The following PCDHA3 variants were observed in gnomAD, a reference collection of about 807,000 sequenced individuals.
PCDHA3 encodes protocadherin alpha 3, also known as protocadherin alpha-3.
PCDHA3 carries 41 observed loss-of-function variants against 62.2 expected under a neutral mutation model. The ratio of observed to expected loss-of-function variants is 0.66; its 90% confidence interval spans 0.51 to 0.86. The LOEUF is 0.86. Ranked by LOEUF, PCDHA3 falls within the 40% of genes least tolerant of loss-of-function variation. The probability of loss-of-function intolerance (pLI) is 0.00; values close to 1 mark genes in which losing one functional copy is unlikely to be tolerated. For synonymous variants in PCDHA3, 640 were observed against 555.4 expected (o/e 1.15, Z -2.14); for missense variants, 1,304 against 1,241.2 (o/e 1.05, Z -0.76).
chr5:140,879,659 C>T (rs782370828), intron 1 of PCDHA3, among the ~76,000 whole-genome samples: 4 of 152,142 alleles, frequency 2.6e-5, no homozygotes, highest in East Asian at 3.8e-4. Flanking sequence ...CTATAACAAA[C>T]GAACACAAAC....
At chr5:140,830,385 C>A (rs2150185884) in intron 1 of PCDHA3, 12 of 1,614,120 alleles carry the variant, frequency 7.4e-6, no homozygotes, top group Non-Finnish European at 1.0e-5. Context: ...GAGGGCCCAC[C>A]CAAGATGGAT....
chr5:140,904,170 A>T (rs2070892349), intron 1 of PCDHA3, among the ~76,000 whole-genome samples: 1 of 151,964 alleles, frequency 6.6e-6, no homozygotes. Context: ...GTAGTCTTTT[A>T]TTCCTCACCC....
chr5:141,005,701 C>CAAAAAAA (rs59860837), intron 3 of PCDHA3, among the ~76,000 whole-genome samples: 5 of 7,784 alleles, frequency 6.4e-4, no homozygotes, highest in African/African-American at 9.3e-4. Context: ...AACTCCGTCT[C>CAAAAAAA]AAAAAAAAAA....
intron 1 of PCDHA3, among the ~76,000 whole-genome samples, chr5:140,943,863 G>T (rs2093580168): frequency 1.3e-5 from 2 of 152,186 alleles, no homozygotes; most frequent in Admixed American, 1.3e-4. Context: ...TCAAGAAGAG[G>T]TCTCTGAAGT....
intron 1 of PCDHA3, chr5:140,852,356 C>A: frequency 4.8e-6 from 1 of 206,680 alleles, no homozygotes; most frequent in Non-Finnish European, 9.4e-6. Flanking sequence ...TGGCTCACTG[C>A]AACGTCTGCC....
chr5:140,808,999 C>G (rs17844283), intron 1 of PCDHA3: 1 of 1,613,590 alleles, frequency 6.2e-7, no homozygotes, highest in African/African-American at 1.3e-5. Flanking sequence ...CGGGCTACAA[C>G]GCGTGGCTTT....
chr5:140,975,016 G>T (rs782435284), intron 1 of PCDHA3, among the ~76,000 whole-genome samples: 6 of 152,128 alleles, frequency 3.9e-5, no homozygotes, highest in Non-Finnish European at 8.8e-5. Context: ...AACACAGCTG[G>T]GCTGTGTTGT....
rs781922775 is a variant in PCDHA3 at position 140,856,490 on chromosome 5, G to C, written c.2394+52899G>C. On this transcript the variant is annotated intron_variant, in intron 1 of 3. Coordinates refer to ENST00000522353, the MANE Select transcript of PCDHA3 (RefSeq NM_018906.3). Reference sequence around the variant, plus strand: ...CTCAATACCTGAATCCAGACTGCTTGACTCTCGATTTCCACTAGAAGGCGC... The same window carrying C: ...CTCAATACCTGAATCCAGACTGCTTCACTCTCGATTTCCACTAGAAGGCGC... 1.9e-6 allele frequency: 3 copies of C among 1,598,350 alleles called. 1 individual carries two copies. The highest frequency in any genetic ancestry group is 2.6e-6 in the Non-Finnish European group (3 of 1,167,864).
At chr5:140,851,854 G>A (rs1187203228) in intron 1 of PCDHA3, 1 of 972,298 alleles carries the variant, frequency 1.0e-6, no homozygotes, top group East Asian at 1.1e-4. Flanking sequence ...TCTCCTCTCA[G>A]CTCATACATA....
chr5:140,968,588 A>G (rs1554230894), intron 1 of PCDHA3: 1 of 1,614,180 alleles, frequency 6.2e-7, no homozygotes, highest in South Asian at 1.1e-5. Flanking sequence ...CACCAAAGTC[A>G]TAGCTATGGA....
At chr5:140,934,129 T>G (rs150501213) in intron 1 of PCDHA3, among the ~76,000 whole-genome samples, 326 of 152,294 alleles carry the variant, frequency 2.1e-3, no homozygotes, top group African/African-American at 7.4e-3. Context: ...CTTTATTAAT[T>G]TATTTCCTTC....
Position 140,808,974 on chromosome 5 carries a change from C to T in PCDHA3, c.2394+5383C>T, listed in dbSNP as rs781991192. ...GGCCACGTGGTGGCAAAGGTGCGCG[C>T]GGTGGATGCTGACTCGGGCTACAAC... On this transcript the variant is annotated intron_variant, in intron 1 of 3. Coordinates refer to ENST00000522353, the MANE Select transcript of PCDHA3 (RefSeq NM_018906.3). 49 of 1,613,504 alleles carry T rather than the reference C, an allele frequency of 3.0e-5. No homozygotes were observed. The Middle Eastern group carries it at 8.2e-4, about 27-fold the overall frequency.
chr5:141,006,274 C>T (rs565885323), intron 3 of PCDHA3, among the ~76,000 whole-genome samples: 13 of 152,026 alleles, frequency 8.6e-5, no homozygotes, highest in African/African-American at 2.9e-4. Context: ...TGCAGTGGCA[C>T]GATCTCAGCT....
intron 1 of PCDHA3, among the ~76,000 whole-genome samples, chr5:140,806,051 G>A (rs1554123525): frequency 2.6e-5 from 4 of 152,142 alleles, no homozygotes; most frequent in South Asian, 4.1e-4. Context: ...AATGGCCCAC[G>A]CGATTCCACC....
chr5:140,915,093 G>A (rs1397392191), intron 1 of PCDHA3, among the ~76,000 whole-genome samples: 3 of 151,622 alleles, frequency 2.0e-5, no homozygotes, highest in Non-Finnish European at 2.9e-5. Flanking sequence ...CTATGGGCAC[G>A]CACCACCACA....
In PCDHA3 at chr5:140,985,839, A is replaced by G. The variant is rs570244448; in HGVS notation, c.2542+3276A>G. On this transcript the variant is annotated intron_variant, in intron 3 of 3. Coordinates refer to ENST00000522353, the MANE Select transcript of PCDHA3 (RefSeq NM_018906.3). ...ACAACAAGCTCTGCCTCCCGGGTTC[A>G]TGCCACTCTCCTGCCTCAGCCTCCT... Among the ~76,000 whole-genome samples the G allele has an allele frequency of 6.2e-5, 9 of 144,378 alleles. No homozygotes were observed. The East Asian group carries it at 1.9e-3, about 30-fold the overall frequency. 94.7% of individuals were successfully genotyped at this position (144,378 alleles called of 152,430 possible). A position where few individuals can be genotyped will look rare whatever the true frequency, so the allele number is the denominator to read the frequency against.
At position 140,877,641 on chromosome 5, in the gene PCDHA3, C is replaced by G. The variant is rs548787462; in HGVS notation, c.2394+74050C>G. ...TGCTGCTGTACACTGCGCTGCGTTG[C>G]TCAGCGCCGCCCACCGTGAGCCGGT... On this transcript the variant is annotated intron_variant, in intron 1 of 3. Transcript: ENST00000522353. 6.2e-6 allele frequency: 10 copies of G among 1,613,592 alleles called. 1 individual carries two copies. In the South Asian group the frequency reaches 9.9e-5, roughly 16 times the overall value.
chr5:140,852,149 G>T (rs940913819), intron 1 of PCDHA3: 1 of 867,026 alleles, frequency 1.2e-6, no homozygotes. Flanking sequence ...AGATCAGAAT[G>T]GCCTTGAGAA....
chr5:140,927,340 G>C, intron 1 of PCDHA3: 1 of 1,614,030 alleles, frequency 6.2e-7, no homozygotes, highest in Non-Finnish European at 8.5e-7. Flanking sequence ...GAATGCCCAA[G>C]ATGACGACGA....
Sources: allele counts gnomAD v4.1 joint callset (sites outside exome capture counted in the v4.1 genomes callset), GRCh38; gene constraint gnomAD v4.1.1; transcripts MANE v1.5; gene names NCBI Gene and HGNC (gene_info 2026-07-23, HGNC 2026-07-21).